Variants in CDIP1 observed in about 807,000 individuals in gnomAD.
CDIP1 encodes the protein cell death inducing p53 target 1, also known as cell death-inducing p53-target protein 1.
A neutral mutation model predicts 17.7 loss-of-function variants in CDIP1; 9 were observed. The observed-to-expected ratio is 0.51, with a 90% CI of 0.31 to 0.89. CDIP1 has a LOEUF of 0.89. Among genes scored for constraint, CDIP1 ranks in the 40% least tolerant of loss-of-function variants. CDIP1 has a pLI of 0.05. For missense variants in CDIP1, 263 were observed against 277.9 expected, an observed-to-expected ratio of 0.95 and a Z score of 0.38; for synonymous variants, 117 against 109.5, an observed-to-expected ratio of 1.07 and a Z score of -0.43.
At chr16:4,536,786 A>AAAG (rs1476217539) in intron 1 of CDIP1, 1 of 151,586 alleles carries the variant, frequency 6.6e-6, no homozygotes, top group East Asian at 1.9e-4. Context: ...AAAAAAAAAA[A>AAAG]AAAAAAATTA....
intron 1 of CDIP1, among the ~76,000 whole-genome samples, chr16:4,523,165 C>T (rs747046816): frequency 6.6e-6 from 1 of 152,192 alleles, no homozygotes; most frequent in African/African-American, 2.4e-5. Flanking sequence ...GGGGATGGTG[C>T]TTCCTTCTGA....
intron 1 of CDIP1, among the ~76,000 whole-genome samples, chr16:4,534,582 C>T (rs904741424): frequency 2.0e-5 from 3 of 152,196 alleles, no homozygotes; most frequent in African/African-American, 7.2e-5. Context: ...CACTGTGCTG[C>T]TACCTCCCTG....
At chr16:4,520,578 G>C (rs1249620844) in intron 1 of CDIP1, among the ~76,000 whole-genome samples, 1 of 152,136 alleles carries the variant, frequency 6.6e-6, no homozygotes, top group Non-Finnish European at 1.5e-5. Context: ...ACGGGTTCCT[G>C]TAATGCAGAT....
chr16:4,530,866 AGTTTATTAGGTTGGT>A (rs2059049441), intron 1 of CDIP1, among the ~76,000 whole-genome samples: 2 of 152,024 alleles, frequency 1.3e-5, no homozygotes, highest in Admixed American at 6.6e-5. Context: ...AGTATATAGA[AGTTTATTAGGTTGGT>A]ACAAAAGTAA....
chr16:4,520,801 G>C (rs1306925104), intron 1 of CDIP1, among the ~76,000 whole-genome samples: 3 of 152,164 alleles, frequency 2.0e-5, no homozygotes, highest in Non-Finnish European at 4.4e-5. Context: ...GAAGTAGCAA[G>C]TTCACTTTGC....
intron 1 of CDIP1, among the ~76,000 whole-genome samples, chr16:4,537,254 T>C (rs991410975): frequency 5.3e-5 from 8 of 152,250 alleles, no homozygotes; most frequent in African/African-American, 1.7e-4. Context: ...GTGTTAACTC[T>C]ACATTCTAGG....
chr16:4,512,989 G>C lies in CDIP1; in HGVS notation c.317C>G (p.Pro106Arg), dbSNP rs771223350. Residue 106 changes from proline to arginine, a missense_variant, in exon 5 of 6, where the codon CCT becomes CGT. Pro to Arg is a moderately radical substitution (Grantham distance 103, BLOSUM62 -2). Transcript: ENST00000567695. The surrounding 1 kb of genome is among the most constrained non-coding windows in gnomAD (Gnocchi z 4.6). ...TGTGGCTGTGTGGCCCCCAGGGCCA[G>C]GGTAGGGCCCTGGCGTGTAGGGCCC... ...PPGPYTPGPYPGPGGHTATVL... is the reference protein window; with the variant it reads ...PPGPYTPGPYRGPGGHTATVL... 2.5e-6 allele frequency: 4 copies of C among 1,590,020 alleles called. No individual in the cohort carries two copies. The highest frequency in any genetic ancestry group is 2.7e-5 in the African/African-American group (2 of 74,770).
Position 4,512,682 on chromosome 16 carries a change from A to G in CDIP1, c.517T>C (p.Cys173Arg). Reference protein sequence around the residue: ...VLGFFCCFMGCDLGCCLIPCL... With the variant: ...VLGFFCCFMGRDLGCCLIPCL... ...GGGATCAGGCAGCAGCCCAGATCAC[A>G]TCTGAATCAGAGACAGGGAAGAACA... Residue 173 changes from cysteine (C) to arginine (R), a missense_variant and splice_region_variant, in exon 6 of 6, where the codon TGT (cysteine) becomes CGT (arginine). Physicochemically the swap from Cys to Arg is radical, Grantham distance 180 (BLOSUM62 -3). Transcript: ENST00000567695. The surrounding 1 kb of genome is among the most constrained non-coding windows in gnomAD (Gnocchi z 4.6). 1 of 1,612,666 alleles carries G rather than the reference A, an allele frequency of 6.2e-7. No individual in the cohort carries two copies. Among genetic ancestry groups the G allele is most frequent in the Non-Finnish European group, 8.5e-7 (1 of 1,178,812 alleles).
In CDIP1 at chr16:4,513,108, C is replaced by T; in HGVS notation, c.242-44G>A. ...TGGAGGCGAGAGGTCACTGGCCTGC[C>T]ACCTGCACCAGACAAAGAGATTGGC... On this transcript the variant is annotated intron_variant, in intron 4 of 5. Transcript: ENST00000567695. This position sits in a 1 kb window ranked among gnomAD's most constrained non-coding sequence, Gnocchi z 4.1. 1 of 1,517,584 alleles carries T rather than the reference C, an allele frequency of 6.6e-7. No homozygotes were observed. The highest frequency in any genetic ancestry group is 1.3e-5 in the South Asian group (1 of 79,228). 94.0% of individuals were successfully genotyped at this position (1,517,584 alleles called of 1,614,324 possible).
In CDIP1 at chr16:4,537,762, G is replaced by C. The variant is rs573660846; in HGVS notation, c.-105+940C>G. 3.1e-3 allele frequency among the ~76,000 whole-genome samples: 477 copies of C among 152,336 alleles called. 5 individuals carry two copies. The highest frequency in any genetic ancestry group is 0.011 in the African/African-American group (450 of 41,582). ...GTGGTTCTGACGCAGAGGATCTTGA[G>C]CCCACCTTTGGAGGAACTCACAGCC... On this transcript the variant is annotated intron_variant, in intron 1 of 5. Coordinates refer to ENST00000567695, the MANE Select transcript of CDIP1 (RefSeq NM_013399.3).
intron 1 of CDIP1, among the ~76,000 whole-genome samples, chr16:4,527,017 A>G (rs2059007914): frequency 6.6e-6 from 1 of 151,848 alleles, no homozygotes; most frequent in Non-Finnish European, 1.5e-5. Flanking sequence ...GCCATGGGTG[A>G]AGAGCACACC....
rs773310516 is a variant in CDIP1 at position 4,512,836 on chromosome 16, A to G, written c.470T>C (p.Ile157Thr). 5.8e-6 allele frequency: 9 copies of G among 1,563,126 alleles called. No homozygotes were observed. Among genetic ancestry groups the G allele is most frequent in the African/African-American group, 2.7e-5 (2 of 73,708 alleles). The change falls in exon 5 of 6, where the codon ATT becomes ACT. Residue 157 changes from isoleucine (I) to threonine (T), a missense_variant. Transcript: ENST00000567695. This position sits in a 1 kb window ranked among gnomAD's most constrained non-coding sequence, Gnocchi z 4.6. ...ACCCAGCACGAAATTCATCAAGCCA[A>G]TCTCGTAGGAGATCTTGGTGGTGAT... ...QAITTKISYE[I>T]GLMNFVLGFF...
At chr16:4,531,006 T>C (rs1471005284) in intron 1 of CDIP1, among the ~76,000 whole-genome samples, 1 of 151,856 alleles carries the variant, frequency 6.6e-6, no homozygotes, top group African/African-American at 2.4e-5. Context: ...GGAGCTCACG[T>C]CATGATTGGG....
At chr16:4,530,033 G>A (rs7193136) in intron 1 of CDIP1, among the ~76,000 whole-genome samples, 82,557 of 152,112 alleles carry the variant, frequency 0.54, 25,866 homozygotes, top group Non-Finnish European at 0.7. Flanking sequence ...ATACATACCT[G>A]TACACAGAAG....
rs947796183 is a variant in CDIP1 at position 4,512,430 on chromosome 16, C to T, written c.*142G>A. 2.9e-5 allele frequency: 19 copies of T among 663,802 alleles called. No individual in the cohort carries two copies. Among genetic ancestry groups the T allele is most frequent in the African/African-American group, 3.6e-5 (2 of 55,822 alleles). 41.1% of individuals were successfully genotyped at this position (663,802 alleles called of 1,614,324 possible). A position where few individuals can be genotyped will look rare whatever the true frequency, so the allele number is the denominator to read the frequency against. ...AGAAGAGTCAGCGGCTCAGGTAGGG[C>T]AGGGTGAAGAGGACAGGACTTCTAG... On this transcript the variant is annotated 3_prime_UTR_variant, in exon 6 of 6. Transcript: ENST00000567695. This position sits in a 1 kb window ranked among gnomAD's most constrained non-coding sequence, Gnocchi z 4.6.
rs1239728764 is a variant in CDIP1, at chr16:4,512,270, A to G, written c.*302T>C. On this transcript the variant is annotated 3_prime_UTR_variant, in exon 6 of 6. Transcript: ENST00000567695. This position sits in a 1 kb window ranked among gnomAD's most constrained non-coding sequence, Gnocchi z 4.6. Reference sequence around the variant, plus strand: ...TACCTTGTTTGGAAACAGAGGCATCAGGACCCCAGCAGGAGACCCCTCCCA... The same window carrying G: ...TACCTTGTTTGGAAACAGAGGCATCGGGACCCCAGCAGGAGACCCCTCCCA... 6.3e-6 allele frequency: 3 copies of G among 478,202 alleles called. No individual in the cohort carries two copies. The highest frequency in any genetic ancestry group is 5.4e-4 in the Middle Eastern group (1 of 1,858). The allele number at this position is 478,202 out of a possible 1,614,324, so 29.6% of individuals were successfully genotyped here.
chr16:4,511,620 C>G lies in CDIP1; in HGVS notation c.*952G>C, dbSNP rs568451781. ...AGCCTGTCAGCTGGGGTGAGGGGCC[C>G]GGCACTTACAGGGAAGAAAATCCAT... On this transcript the variant is annotated 3_prime_UTR_variant, in exon 6 of 6. Coordinates refer to ENST00000567695, the MANE Select transcript of CDIP1 (RefSeq NM_013399.3). 2 of 152,470 alleles carry G rather than the reference C, an allele frequency of 1.3e-5. No homozygotes were observed. Among genetic ancestry groups the G allele is most frequent in the East Asian group, 3.9e-4 (2 of 5,188 alleles). 9.4% of individuals were successfully genotyped at this position (152,470 alleles called of 1,614,324 possible).
At chr16:4,520,917 G>A (rs562741891) in intron 1 of CDIP1, among the ~76,000 whole-genome samples, 4 of 152,222 alleles carry the variant, frequency 2.6e-5, no homozygotes, top group African/African-American at 7.2e-5. Context: ...CAGCTAGTTC[G>A]GCCCACACTT....
At chr16:4,528,379 A>G (rs2059021846) in intron 1 of CDIP1, among the ~76,000 whole-genome samples, 1 of 152,188 alleles carries the variant, frequency 6.6e-6, no homozygotes, top group Non-Finnish European at 1.5e-5. Flanking sequence ...GCACTCTTCC[A>G]TAACACATAT....
Sources: gnomAD v4.1 joint callset for allele counts (sites outside exome capture counted in the v4.1 genomes callset) on GRCh38, gnomAD v4.1.1 for gene constraint, Gnocchi (gnomAD v3.1) non-coding constraint, MANE v1.5 for transcripts, NCBI Gene and HGNC (gene_info 2026-07-23, HGNC 2026-07-21) for gene names.